The following FHIT variants were observed in gnomAD, a reference collection of about 807,000 sequenced individuals.
FHIT encodes fragile histidine triad diadenosine triphosphatase, also known as bis(5'-adenosyl)-triphosphatase.
In FHIT, 19 loss-of-function variants were observed where a neutral mutation model predicts 17.9. The ratio of observed to expected loss-of-function variants is 1.06; its 90% CI spans 0.74 to 1.56. FHIT has a LOEUF of 1.56. Among genes scored for constraint, FHIT ranks in the 40% most tolerant of loss-of-function variants. The probability of loss-of-function intolerance (pLI) is 0.00; values close to 1 mark genes in which losing one functional copy is unlikely to be tolerated. For missense variants in FHIT, 248 were observed against 189.2 expected (o/e 1.31, Z -1.82); for synonymous variants, 81 against 69.7 (o/e 1.16, Z -0.81).
chr3:59,747,373 G>C lies in FHIT; in HGVS notation c.*2212C>G, dbSNP rs550856428. On this transcript the variant is annotated 3_prime_UTR_variant, in exon 10 of 10. Transcript: ENST00000492590. ...CTTACATGGCAGCAGGCAAGACAGCGTATTCAGGGGAAATGTCCTTTATAA... is the reference window on the plus strand; with the variant it reads ...CTTACATGGCAGCAGGCAAGACAGCCTATTCAGGGGAAATGTCCTTTATAA... Among the ~76,000 whole-genome samples, 69 of 152,142 alleles carry C rather than the reference G, an allele frequency of 4.5e-4. No homozygotes were observed. The highest frequency in any genetic ancestry group is 1.4e-3 in the African/African-American group (59 of 41,512).
chr3:60,655,857 G>A (rs2040102475), intron 4 of FHIT, among the ~76,000 whole-genome samples: 1 of 152,180 alleles, frequency 6.6e-6, no homozygotes, highest in Admixed American at 6.5e-5. Context: ...ACATTTCCCA[G>A]AATGTATTTT....
chr3:61,058,226 C>T (rs774122748), intron 2 of FHIT, among the ~76,000 whole-genome samples: 1 of 152,204 alleles, frequency 6.6e-6, no homozygotes, highest in Non-Finnish European at 1.5e-5. Context: ...TGAGTCTCCA[C>T]ATATGGCACA....
At chr3:61,248,961 C>T (rs2040549014) in intron 1 of FHIT, among the ~76,000 whole-genome samples, 1 of 152,186 alleles carries the variant, frequency 6.6e-6, no homozygotes, top group African/African-American at 2.4e-5. Flanking sequence ...AGTCTGAATG[C>T]ATTAAGTCCT....
chr3:60,185,443 T>C (rs1702117674), intron 5 of FHIT, among the ~76,000 whole-genome samples: 1 of 152,228 alleles, frequency 6.6e-6, no homozygotes. Flanking sequence ...CATGTTTCTA[T>C]GTATAGTTCA....
intron 5 of FHIT, among the ~76,000 whole-genome samples, chr3:60,144,173 T>G (rs897587263): frequency 6.6e-6 from 1 of 152,196 alleles, no homozygotes; most frequent in Non-Finnish European, 1.5e-5. Flanking sequence ...CCAGCATCCA[T>G]ACGGCAGAAG....
intron 5 of FHIT, among the ~76,000 whole-genome samples, chr3:60,402,043 G>C (rs961267117): frequency 6.6e-6 from 1 of 152,074 alleles, no homozygotes; most frequent in African/African-American, 2.4e-5. Flanking sequence ...ATGCATGCTT[G>C]ATTACTAAGA....
At chr3:60,701,123 CTT>C (rs11425787) in intron 4 of FHIT, among the ~76,000 whole-genome samples, 58 of 132,518 alleles carry the variant, frequency 4.4e-4, no homozygotes, top group Admixed American at 4.6e-4. Context: ...TGAAAAGACC[CTT>C]TTTTTTTTTT....
chr3:60,712,506 A>T (rs1287269801), intron 4 of FHIT, among the ~76,000 whole-genome samples: 2 of 151,744 alleles, frequency 1.3e-5, no homozygotes, highest in Non-Finnish European at 2.9e-5. Flanking sequence ...GTCAAGACCC[A>T]TCAGTGTGCT....
chr3:61,075,142 G>T, intron 2 of FHIT, among the ~76,000 whole-genome samples: 1 of 152,178 alleles, frequency 6.6e-6, no homozygotes, highest in African/African-American at 2.4e-5. Flanking sequence ...CTCCTTTTGG[G>T]AAAAATAGGC....
At position 60,967,938 on chromosome 3, in the gene FHIT, A is replaced by G. The variant is rs1374111762; in HGVS notation, c.-111+74109T>C. Among the ~76,000 whole-genome samples, 3 of 152,350 alleles carry G rather than the reference A, an allele frequency of 2.0e-5. No individual in the cohort carries two copies. The South Asian group carries it at 6.2e-4, about 32-fold the overall frequency. On this transcript the variant is annotated intron_variant, in intron 3 of 9. Coordinates refer to ENST00000492590, the MANE Select transcript of FHIT (RefSeq NM_002012.4). ...ATTCGCCACTACAATTTAAAATTCA[A>G]CTGTAGGTAAATAAAAGTAAATTGT... is the stretch of plus-strand genomic sequence containing the variant.
rs572817073 is a variant in FHIT, at chr3:60,130,889, A to G, written c.104-116737T>C. Among the ~76,000 whole-genome samples the G allele has an allele frequency of 2.9e-4, 29 of 100,202 alleles. No individual in the cohort carries two copies. The South Asian group carries it at 6.3e-3, about 22-fold the overall frequency. 65.7% of individuals were successfully genotyped at this position (100,202 alleles called of 152,430 possible). A position where few individuals can be genotyped will look rare whatever the true frequency, so the allele number is the denominator to read the frequency against. ...TATAGACACGTATACATGTATATAC[A>G]CACATACACATATATACACATATAT... is the stretch of plus-strand genomic sequence containing the variant. On this transcript the variant is annotated intron_variant, in intron 5 of 9. Transcript: ENST00000492590.
At chr3:59,786,334 C>T (rs1009986590) in intron 8 of FHIT, among the ~76,000 whole-genome samples, 2 of 152,176 alleles carry the variant, frequency 1.3e-5, no homozygotes, top group African/African-American at 2.4e-5. Flanking sequence ...CAGAAGCTGG[C>T]AAGACATGGG....
intron 3 of FHIT, among the ~76,000 whole-genome samples, chr3:60,911,916 TAA>T (rs1442871896): frequency 9.2e-5 from 14 of 152,276 alleles, no homozygotes; most frequent in Non-Finnish European, 1.8e-4. Flanking sequence ...TTTATTCTGG[TAA>T]AGACTTTTCT....
intron 7 of FHIT, among the ~76,000 whole-genome samples, chr3:59,979,343 G>A (rs6767115): frequency 0.087 from 13,284 of 152,168 alleles, 816 homozygotes; most frequent in South Asian, 0.15. Flanking sequence ...TTATAACTCA[G>A]CATTGCCCTC....
chr3:60,076,737 A>G (rs891449263), intron 5 of FHIT, among the ~76,000 whole-genome samples: 8 of 152,104 alleles, frequency 5.3e-5, no homozygotes, highest in African/African-American at 1.9e-4. Context: ...TTTAAAATTA[A>G]TTTTGAAGAG....
chr3:61,200,746 T>C (rs1466308614), intron 1 of FHIT, 81 bp from the exon 2 acceptor site: 2 of 152,592 alleles, frequency 1.3e-5, no homozygotes, highest in African/African-American at 2.4e-5. Flanking sequence ...CTAAATAGAA[T>C]TTCCATATGC....
In FHIT at chr3:59,944,837, T is replaced by C. The variant is rs1175963728; in HGVS notation, c.280-22423A>G. 1.3e-5 allele frequency among the ~76,000 whole-genome samples: 2 copies of C among 152,336 alleles called. 1 individual carries two copies. Among genetic ancestry groups the C allele is most frequent in the Admixed American group, 1.3e-4 (2 of 15,298 alleles). On this transcript the variant is annotated intron_variant, in intron 7 of 9. Coordinates refer to ENST00000492590, the MANE Select transcript of FHIT (RefSeq NM_002012.4). ...ATACTAGCCTTCAGCTCCATAAATG[T>C]TGCTGCAGAGGACATGATCTCATTC...
At chr3:60,776,924 CTG>C (rs1417776498) in intron 4 of FHIT, among the ~76,000 whole-genome samples, 1 of 152,138 alleles carries the variant, frequency 6.6e-6, no homozygotes, top group Non-Finnish European at 1.5e-5. Context: ...AAGAGGTTCT[CTG>C]TGTGAACATA....
intron 4 of FHIT, among the ~76,000 whole-genome samples, chr3:60,759,177 A>G (rs1386886589): frequency 6.6e-6 from 1 of 152,240 alleles, no homozygotes; most frequent in South Asian, 2.1e-4. Context: ...TTTTGAGACA[A>G]TAAGTTTTTA....
Sources: gnomAD v4.1 joint callset for allele counts (sites outside exome capture counted in the v4.1 genomes callset) on GRCh38, gnomAD v4.1.1 for gene constraint, MANE v1.5 for transcripts, NCBI Gene and HGNC (gene_info 2026-07-23, HGNC 2026-07-21) for gene names.